DCHS2: variants seen among roughly 807,000 people sequenced by gnomAD.
The protein encoded by DCHS2 is dachsous cadherin-related 2.
A neutral mutation model predicts 182.4 loss-of-function variants in DCHS2; 142 were observed. The observed-to-expected ratio is 0.78, with a 90% CI of 0.68 to 0.89. The LOEUF is 0.89. Among genes scored for constraint, DCHS2 ranks in the 40% least tolerant of loss-of-function variants. The pLI is 0.00. For synonymous variants in DCHS2, 1,740 were observed against 1,663.3 expected, an observed-to-expected ratio of 1.05 and a Z score of -1.12; for missense variants, 4,319 against 4,198.6, an observed-to-expected ratio of 1.03 and a Z score of -0.79.
At chr4:154,479,976 A>G (rs1010024288) in intron 1 of DCHS2, among the ~76,000 whole-genome samples, 1 of 152,214 alleles carries the variant, frequency 6.6e-6, no homozygotes, top group African/African-American at 2.4e-5. Context: ...GTTTATACAC[A>G]ATGTAACAGA....
chr4:154,298,400 G>C lies in DCHS2; in HGVS notation c.5914C>G (p.Leu1972Val), dbSNP rs1391814016. The stretch of plus-strand genomic sequence containing the variant: ...AATGCACCAGAAGCCTCATCAGTCA[G>C]AAAATACTCAGTTTGCCCATTCAGG... ...EGLNGQTEYF[L>V]TDEASGAFTI... The change falls in exon 13 of 20, where the codon CTG becomes GTG. Residue 1972 changes from leucine (L) to valine (V), a missense_variant. By Grantham distance (32) the Leu-to-Val change is conservative. Coordinates refer to ENST00000357232, the MANE Select transcript of DCHS2 (RefSeq NM_001358235.2). 6.2e-7 allele frequency: 1 copy of C among 1,614,148 alleles called. No homozygotes were observed. Among genetic ancestry groups the C allele is most frequent in the Non-Finnish European group, 8.5e-7 (1 of 1,180,018 alleles).
rs188448487 is a variant in DCHS2 at position 154,459,421 on chromosome 4, A to T, written c.2052+29883T>A. Reference sequence around the variant, plus strand: ...AAAAGAGACTTTAAAAAAATCATCAAAAAATCCAAAAATCAAAGTTTTTGC... The same window carrying T: ...AAAAGAGACTTTAAAAAAATCATCATAAAATCCAAAAATCAAAGTTTTTGC... On this transcript the variant is annotated intron_variant, in intron 1 of 19. Coordinates refer to ENST00000357232, the MANE Select transcript of DCHS2 (RefSeq NM_001358235.2). Among the ~76,000 whole-genome samples the T allele has an allele frequency of 4.3e-4, 65 of 152,294 alleles. No homozygotes were observed. In the Middle Eastern group the frequency reaches 0.01, roughly 24 times the overall value.
chr4:154,238,802 A>G (rs1369158685), intron 19 of DCHS2, among the ~76,000 whole-genome samples: 2 of 152,180 alleles, frequency 1.3e-5, no homozygotes, highest in Non-Finnish European at 2.9e-5. Flanking sequence ...TGAAGTCTTC[A>G]GCACTAACTT....
intron 1 of DCHS2, among the ~76,000 whole-genome samples, chr4:154,434,469 A>G (rs1360102390): frequency 2.0e-5 from 3 of 152,234 alleles, no homozygotes; most frequent in South Asian, 2.1e-4. Flanking sequence ...TATTGTTTAA[A>G]TTATACATAT....
At chr4:154,441,215 TA>T (rs1733998692) in intron 1 of DCHS2, among the ~76,000 whole-genome samples, 1 of 152,200 alleles carries the variant, frequency 6.6e-6, no homozygotes, top group Non-Finnish European at 1.5e-5. Flanking sequence ...GGTCATATTT[TA>T]AAACTGTAGC....
intron 12 of DCHS2, among the ~76,000 whole-genome samples, chr4:154,298,992 G>A (rs1462231724): frequency 3.3e-5 from 5 of 152,214 alleles, no homozygotes; most frequent in Admixed American, 6.5e-5. Flanking sequence ...GCAGCCGTAT[G>A]ATTTTTTGTG....
In DCHS2 at chr4:154,235,151, T is replaced by G. The variant is rs1401019014; in HGVS notation, c.9501A>C (p.Gly3167=). 1.2e-6 allele frequency: 2 copies of G among 1,613,926 alleles called. No homozygotes were observed. The highest frequency in any genetic ancestry group is 1.7e-6 in the Non-Finnish European group (2 of 1,179,966). The change falls in exon 20 of 20, where the codon GGA becomes GGC. Residue 3167 remains glycine (G), a synonymous_variant. Coordinates refer to ENST00000357232, the MANE Select transcript of DCHS2 (RefSeq NM_001358235.2). ...TAEASQTFGE[G]DQGEGCSTTC... The stretch of plus-strand genomic sequence containing the variant: ...TGGTGCTGCAGCCTTCCCCTTGATC[T>G]CCTTCCCCAAATGTTTGGCTGGCTT...
intron 10 of DCHS2, among the ~76,000 whole-genome samples, chr4:154,308,826 A>T (rs1735559239): frequency 6.6e-6 from 1 of 152,188 alleles, no homozygotes; most frequent in Non-Finnish European, 1.5e-5. Flanking sequence ...TGCTTACAAT[A>T]TAGCACCGGA....
intron 1 of DCHS2, among the ~76,000 whole-genome samples, chr4:154,433,395 C>CA (rs1364776212): frequency 9.6e-6 from 1 of 103,868 alleles, no homozygotes; most frequent in East Asian, 2.5e-4. Flanking sequence ...TTTTTTTTTC[C>CA]TTTTTTTTTT....
intron 13 of DCHS2, among the ~76,000 whole-genome samples, chr4:154,271,816 T>C (rs1733611011): frequency 6.6e-6 from 1 of 152,184 alleles, no homozygotes; most frequent in Admixed American, 6.6e-5. Flanking sequence ...TAGAGTTCTA[T>C]GAATCTTGAA....
intron 13 of DCHS2, 105 bp from the exon 14 acceptor site, chr4:154,270,118 T>G (rs777007457): frequency 7.3e-7 from 1 of 1,368,902 alleles, no homozygotes; most frequent in African/African-American, 1.5e-5. Context: ...TGTTTTCACT[T>G]GTTCATTGAT....
intron 3 of DCHS2, among the ~76,000 whole-genome samples, chr4:154,338,018 G>C (rs1728896491): frequency 6.6e-6 from 1 of 152,130 alleles, no homozygotes; most frequent in African/African-American, 2.4e-5. Flanking sequence ...TTATAGGTGT[G>C]AGCCACTGCA....
intron 1 of DCHS2, among the ~76,000 whole-genome samples, chr4:154,454,249 A>T (rs186907860): frequency 6.6e-6 from 1 of 152,040 alleles, no homozygotes; most frequent in African/African-American, 2.4e-5. Context: ...CAATCTGCCT[A>T]TTCTTTTGTT....
chr4:154,384,946 TAA>T (rs779177770), intron 1 of DCHS2, among the ~76,000 whole-genome samples: 2 of 152,130 alleles, frequency 1.3e-5, no homozygotes, highest in Non-Finnish European at 2.9e-5. Flanking sequence ...TATTATACTT[TAA>T]GTTTTAGGGT....
intron 3 of DCHS2, among the ~76,000 whole-genome samples, chr4:154,350,713 AT>A (rs150311879): frequency 2.6e-5 from 4 of 151,774 alleles, no homozygotes; most frequent in Admixed American, 6.6e-5. Flanking sequence ...CTTACCATCT[AT>A]TTTTTTTGCT....
chr4:154,371,216 AGAG>A (rs1233954032), intron 2 of DCHS2, among the ~76,000 whole-genome samples: 1 of 151,978 alleles, frequency 6.6e-6, no homozygotes. Context: ...AAAAAAAAAA[AGAG>A]GAGAAGTATC....
intron 2 of DCHS2, among the ~76,000 whole-genome samples, chr4:154,368,034 C>G (rs547628804): frequency 2.6e-5 from 4 of 152,220 alleles, no homozygotes; most frequent in African/African-American, 9.6e-5. Flanking sequence ...GAATAAAGTG[C>G]CAGAGCCATG....
intron 1 of DCHS2, among the ~76,000 whole-genome samples, chr4:154,415,109 A>G (rs748495711): frequency 1.5e-4 from 23 of 152,348 alleles, no homozygotes; most frequent in Non-Finnish European, 2.9e-4. Flanking sequence ...TCATTTAGTT[A>G]TACTACTGAA....
chr4:154,479,463 T>TA (rs907560957), intron 1 of DCHS2, among the ~76,000 whole-genome samples: 98 of 152,052 alleles, frequency 6.4e-4, no homozygotes, highest in African/African-American at 2.2e-3. Context: ...TTTCTCATTT[T>TA]AAAAAAAAGT....
Sources: gnomAD v4.1 joint callset for allele counts (sites outside exome capture counted in the v4.1 genomes callset) on GRCh38, gnomAD v4.1.1 for gene constraint, MANE v1.5 for transcripts, NCBI Gene and HGNC (gene_info 2026-07-23, HGNC 2026-07-21) for gene names.